The following ARSK variants were observed in gnomAD, a reference collection of about 807,000 sequenced individuals.
ARSK encodes the protein arylsulfatase K.
In ARSK, 37 loss-of-function variants were observed where a neutral mutation model predicts 53.2. The ratio of observed to expected loss-of-function variants is 0.70; its 90% confidence interval spans 0.54 to 0.92. The LOEUF (loss-of-function observed/expected upper bound fraction) is 0.92, where lower values mean the gene tolerates loss of function less well. ARSK is among the 40% of genes least tolerant of loss of function. The pLI, the probability that ARSK is intolerant of heterozygous loss-of-function variation, is 0.00. For missense variants in ARSK, 613 were observed against 643.0 expected (o/e 0.95, Z 0.51); for synonymous variants, 208 against 223.2 (o/e 0.93, Z 0.61).
intron 2 of ARSK, 96 bp from the exon 3 acceptor site, chr5:95,567,794 C>A: frequency 8.1e-7 from 1 of 1,231,440 alleles, no homozygotes; most frequent in Non-Finnish European, 1.1e-6. Context: ...AGAGCATAAG[C>A]TCTTCACTAG....
At chr5:95,592,194 T>C (rs1298232332) in intron 6 of ARSK, among the ~76,000 whole-genome samples, 2 of 152,234 alleles carry the variant, frequency 1.3e-5, no homozygotes, top group African/African-American at 4.8e-5. Context: ...AACTAACTTC[T>C]AGTTTCTATC....
chr5:95,555,194 G>T lies in ARSK; in HGVS notation c.-85G>T, dbSNP rs912885665. 21 of 1,348,294 alleles carry T rather than the reference G, an allele frequency of 1.6e-5. No individual in the cohort carries two copies. Among genetic ancestry groups the T allele is most frequent in the Non-Finnish European group, 2.0e-5 (20 of 997,172 alleles). The allele number at this position is 1,348,294 out of a possible 1,614,324, so 83.5% of individuals were successfully genotyped here. The stretch of plus-strand genomic sequence containing the variant: ...AAACTGCAAGCTTTGGGAGTTGTTC[G>T]CTGTCCCTGCCCTGCTCTGCTAGGG... On this transcript the variant is annotated 5_prime_UTR_variant, in exon 1 of 8. Coordinates refer to ENST00000380009, the MANE Select transcript of ARSK (RefSeq NM_198150.3). This position sits in a 1 kb window ranked among gnomAD's most constrained non-coding sequence, Gnocchi z 4.0.
In ARSK at chr5:95,555,877, C is replaced by A. The variant is rs1748490853; in HGVS notation, c.126+473C>A. ...CAGGTCTGTGATAATCCTGTTAGTG[C>A]TGATTCAAATGGAATCGTTGGTATA... is the stretch of plus-strand genomic sequence containing the variant. On this transcript the variant is annotated intron_variant, in intron 1 of 7. Transcript: ENST00000380009. This position sits in a 1 kb window ranked among gnomAD's most constrained non-coding sequence, Gnocchi z 4.0. Among the ~76,000 whole-genome samples the A allele has an allele frequency of 6.6e-6, 1 of 152,186 alleles. No homozygotes were observed. Among genetic ancestry groups the A allele is most frequent in the Admixed American group, 6.5e-5 (1 of 15,286 alleles).
intron 2 of ARSK, 116 bp from the exon 3 acceptor site, chr5:95,567,774 G>A (rs1481631082): frequency 9.3e-6 from 9 of 972,598 alleles, no homozygotes; most frequent in African/African-American, 6.6e-5. Flanking sequence ...ATCTGGGTAC[G>A]TCTTACTGCA....
chr5:95,561,145 G>T (rs139749854), intron 1 of ARSK, among the ~76,000 whole-genome samples: 1 of 152,044 alleles, frequency 6.6e-6, no homozygotes. Context: ...TAGAAGATAC[G>T]CAGATGACAA....
chr5:95,564,057 A>C (rs1221256704), intron 1 of ARSK, among the ~76,000 whole-genome samples: 1 of 147,032 alleles, frequency 6.8e-6, no homozygotes, highest in Non-Finnish European at 1.5e-5. Flanking sequence ...AGCTCACTGC[A>C]ACCTCTGCTT....
intron 5 of ARSK, among the ~76,000 whole-genome samples, chr5:95,590,718 T>C (rs1326806322): frequency 6.6e-6 from 1 of 152,210 alleles, no homozygotes; most frequent in African/African-American, 2.4e-5. Flanking sequence ...CTCTGGCCTG[T>C]GCTTTCTTGT....
chr5:95,561,077 G>A (rs561663098), intron 1 of ARSK, among the ~76,000 whole-genome samples: 3 of 152,292 alleles, frequency 2.0e-5, no homozygotes, highest in East Asian at 3.9e-4. Context: ...CCAAAGTGCT[G>A]GGATTACCGG....
chr5:95,595,061 CAA>C (rs1394907956), intron 6 of ARSK, among the ~76,000 whole-genome samples: 5 of 152,002 alleles, frequency 3.3e-5, no homozygotes, highest in Non-Finnish European at 7.4e-5. Context: ...GAATTAGAAA[CAA>C]TATGAATATC....
At chr5:95,568,403 T>C (rs972390) in intron 3 of ARSK, among the ~76,000 whole-genome samples, 27,793 of 152,176 alleles carry the variant, frequency 0.18, 3,660 homozygotes, top group African/African-American at 0.37. Context: ...CGTTGGTCAG[T>C]TCTCTCTAAC....
intron 7 of ARSK, among the ~76,000 whole-genome samples, chr5:95,603,019 AG>A (rs1041548407): frequency 2.0e-5 from 3 of 152,188 alleles, no homozygotes; most frequent in Admixed American, 2.0e-4. Flanking sequence ...AAAGTGGGAT[AG>A]CTGGACAATG....
At chr5:95,603,203 C>G in intron 7 of ARSK, 34 bp from the exon 8 acceptor site, 2 of 1,495,246 alleles carry the variant, frequency 1.3e-6, no homozygotes, top group East Asian at 2.3e-5. Context: ...TAGCAGGTCA[C>G]TATTTTGACA....
At chr5:95,595,903 G>A (rs186685068) in intron 6 of ARSK, among the ~76,000 whole-genome samples, 4 of 152,288 alleles carry the variant, frequency 2.6e-5, no homozygotes, top group East Asian at 3.9e-4. Flanking sequence ...AAAAGAAAAT[G>A]AAGGCTTTAA....
chr5:95,555,827 G>A lies in ARSK; in HGVS notation c.126+423G>A, dbSNP rs767285635. 1.3e-5 allele frequency among the ~76,000 whole-genome samples: 2 copies of A among 152,202 alleles called. No homozygotes were observed. Among genetic ancestry groups the A allele is most frequent in the African/African-American group, 4.8e-5 (2 of 41,446 alleles). ...GCAGGAATTCATGTTTGGGTGAGAA[G>A]TGAAGAAAGTTTATTTTTATTACCC... On this transcript the variant is annotated intron_variant, in intron 1 of 7. Coordinates refer to ENST00000380009, the MANE Select transcript of ARSK (RefSeq NM_198150.3). The surrounding 1 kb of genome is among the most constrained non-coding windows in gnomAD (Gnocchi z 4.0).
intron 3 of ARSK, among the ~76,000 whole-genome samples, chr5:95,571,332 C>T (rs1165760393): frequency 1.3e-5 from 2 of 152,150 alleles, no homozygotes; most frequent in African/African-American, 4.8e-5. Context: ...GAGCAAAGAC[C>T]TTATCTCTTC....
At chr5:95,603,117 T>C in intron 7 of ARSK, 120 bp from the exon 8 acceptor site, 1 of 757,276 alleles carries the variant, frequency 1.3e-6, no homozygotes, top group Non-Finnish European at 2.0e-6. Context: ...TTCATTTTAC[T>C]ACACTAACAG....
At chr5:95,583,629 GAA>G (rs893810093) in intron 4 of ARSK, among the ~76,000 whole-genome samples, 1 of 151,724 alleles carries the variant, frequency 6.6e-6, no homozygotes, top group African/African-American at 2.4e-5. Flanking sequence ...AATTGAAAAA[GAA>G]AAAATAAACT....
rs1437967556 is a variant in ARSK at position 95,601,030 on chromosome 5, T to C, written c.1280T>C (p.Ile427Thr). 1 of 1,613,924 alleles carries C rather than the reference T, an allele frequency of 6.2e-7. No individual in the cohort carries two copies. Among genetic ancestry groups the C allele is most frequent in the African/African-American group, 1.3e-5 (1 of 74,932 alleles). The part of the protein sequence containing the change: ...YMLRTNHWKY[I>T]AYSDGASILP... ...CTTCGAACTAACCACTGGAAATATA[T>C]AGCCTATTCGGATGGTGCATCAATA... Residue 427 changes from isoleucine to threonine, a missense_variant, in exon 7 of 8, where the codon ATA becomes ACA. Ile to Thr is a moderately conservative substitution (Grantham distance 89). Transcript: ENST00000380009.
chr5:95,586,463 T>C, intron 4 of ARSK, 99 bp from the exon 5 acceptor site: 1 of 925,434 alleles, frequency 1.1e-6, no homozygotes, highest in East Asian at 2.5e-5. Flanking sequence ...TCTACTATTC[T>C]AAGTAATTAA....
Sources: gnomAD v4.1 joint callset for allele counts (sites outside exome capture counted in the v4.1 genomes callset) on GRCh38, gnomAD v4.1.1 for gene constraint, Gnocchi (gnomAD v3.1) non-coding constraint, MANE v1.5 for transcripts, NCBI Gene and HGNC (gene_info 2026-07-23, HGNC 2026-07-21) for gene names.